The following SBF2 variants were observed in gnomAD, a reference collection of about 807,000 sequenced individuals.
The protein encoded by SBF2 is SET binding factor 2.
Under a neutral mutation model 225.2 loss-of-function variants are expected in SBF2, and 112 were observed. The observed-to-expected ratio is 0.50, with a 90% confidence interval of 0.43 to 0.58. The LOEUF (loss-of-function observed/expected upper bound fraction) is 0.58. Among genes scored for constraint, SBF2 ranks in the 20% least tolerant of loss-of-function variants. The probability of loss-of-function intolerance (pLI) is 0.00; values close to 1 mark genes in which losing one functional copy is unlikely to be tolerated. For missense variants in SBF2, 1,996 were observed against 2,206.2 expected, an observed-to-expected ratio of 0.90 and a Z score of 1.91; for synonymous variants, 763 against 773.3, an observed-to-expected ratio of 0.99 and a Z score of 0.22.
chr11:10,085,729 G>A (rs983929996), intron 2 of SBF2, among the ~76,000 whole-genome samples: 3 of 152,060 alleles, frequency 2.0e-5, no homozygotes, highest in Non-Finnish European at 4.4e-5. Context: ...TTTGAATACT[G>A]TTTTAATGGC....
intron 26 of SBF2, among the ~76,000 whole-genome samples, chr11:9,834,660 ACTGATG>A (rs1855624883): frequency 6.6e-6 from 1 of 152,180 alleles, no homozygotes; most frequent in South Asian, 2.1e-4. Flanking sequence ...AATACCACAA[ACTGATG>A]AAAAGACCAA....
chr11:9,945,381 A>G (rs1487995196), intron 16 of SBF2, among the ~76,000 whole-genome samples: 1 of 152,238 alleles, frequency 6.6e-6, no homozygotes, highest in Non-Finnish European at 1.5e-5. Flanking sequence ...TGCTAGGATA[A>G]CTGGCTAGCC....
intron 2 of SBF2, among the ~76,000 whole-genome samples, chr11:10,159,960 T>C (rs1186580525): frequency 6.6e-6 from 1 of 152,108 alleles, no homozygotes; most frequent in Non-Finnish European, 1.5e-5. Context: ...TCTGGTCTCC[T>C]GCACACCTGG....
At chr11:10,050,723 T>C (rs1950029510) in intron 2 of SBF2, among the ~76,000 whole-genome samples, 1 of 152,118 alleles carries the variant, frequency 6.6e-6, no homozygotes, top group East Asian at 1.9e-4. Flanking sequence ...GTAAATCAGA[T>C]AAGATGGCTA....
At chr11:9,930,190 G>A (rs1405325452) in intron 16 of SBF2, among the ~76,000 whole-genome samples, 1 of 152,086 alleles carries the variant, frequency 6.6e-6, no homozygotes, top group Non-Finnish European at 1.5e-5. Context: ...AAAAAAATGT[G>A]TTTGAGCCTA....
chr11:10,060,551 T>C (rs1950401903), intron 2 of SBF2, among the ~76,000 whole-genome samples: 1 of 152,122 alleles, frequency 6.6e-6, no homozygotes, highest in Admixed American at 6.5e-5. Context: ...ATCATCCTGA[T>C]ACCTAAACTT....
At chr11:10,208,253 TG>T (rs1565355867) in intron 1 of SBF2, among the ~76,000 whole-genome samples, 1 of 152,080 alleles carries the variant, frequency 6.6e-6, no homozygotes, top group Non-Finnish European at 1.5e-5. Context: ...TACCACTAGA[TG>T]GCATAACACT....
intron 1 of SBF2, among the ~76,000 whole-genome samples, chr11:10,263,642 A>C (rs1961659910): frequency 6.6e-6 from 1 of 152,156 alleles, no homozygotes; most frequent in South Asian, 2.1e-4. Context: ...GGTTTGTATA[A>C]AATCTCTGCT....
intron 2 of SBF2, among the ~76,000 whole-genome samples, chr11:10,104,440 A>AT (rs546789705): frequency 6.6e-6 from 1 of 152,240 alleles, no homozygotes; most frequent in Admixed American, 6.5e-5. Flanking sequence ...CAGAAGCAGC[A>AT]ATCGGCAATC....
At chr11:10,230,678 C>G (rs1958803299) in intron 1 of SBF2, among the ~76,000 whole-genome samples, 1 of 152,184 alleles carries the variant, frequency 6.6e-6, no homozygotes, top group South Asian at 2.1e-4. Context: ...GCTGAGAGAT[C>G]CGCTGTTAGT....
intron 8 of SBF2, among the ~76,000 whole-genome samples, chr11:9,999,140 A>G (rs1947834157): frequency 6.6e-6 from 1 of 152,204 alleles, no homozygotes; most frequent in Non-Finnish European, 1.5e-5. Context: ...TGAAGTTGTT[A>G]TATTGACAAT....
intron 2 of SBF2, among the ~76,000 whole-genome samples, chr11:10,120,665 G>A (rs1591001647): frequency 6.6e-6 from 1 of 152,068 alleles, no homozygotes; most frequent in Non-Finnish European, 1.5e-5. Context: ...CTGTCACCCA[G>A]GCTGGAGTGC....
At chr11:9,872,732 T>G (rs1590284975) in intron 17 of SBF2, among the ~76,000 whole-genome samples, 1 of 152,088 alleles carries the variant, frequency 6.6e-6, no homozygotes, top group East Asian at 1.9e-4. Flanking sequence ...AAATGTATTT[T>G]TGGCTGGGTG....
intron 1 of SBF2, among the ~76,000 whole-genome samples, chr11:10,270,890 G>A (rs1324426569): frequency 6.6e-6 from 1 of 151,356 alleles, no homozygotes; most frequent in East Asian, 1.9e-4. Context: ...AGCTACTGGG[G>A]AGGCTGAGGC....
intron 1 of SBF2, among the ~76,000 whole-genome samples, chr11:10,195,896 T>C (rs550927033): frequency 6.6e-6 from 1 of 152,310 alleles, no homozygotes; most frequent in East Asian, 1.9e-4. Flanking sequence ...TAGGCACTCA[T>C]TCTTCAAAAT....
chr11:10,090,763 T>TGAAAAAAAAA (rs1951748846), intron 2 of SBF2, among the ~76,000 whole-genome samples: 1 of 24,044 alleles, frequency 4.2e-5, no homozygotes, highest in Non-Finnish European at 9.1e-5. Flanking sequence ...AGATTCCATC[T>TGAAAAAAAAA]CAAAAAAAAA....
intron 1 of SBF2, among the ~76,000 whole-genome samples, chr11:10,302,058 G>A (rs1346627362): frequency 6.6e-6 from 1 of 151,366 alleles, no homozygotes; most frequent in African/African-American, 2.4e-5. Context: ...TTCCTTCCTT[G>A]TACTGTCCTT....
chr11:10,151,301 G>A (rs374671005), intron 2 of SBF2, among the ~76,000 whole-genome samples: 4 of 152,016 alleles, frequency 2.6e-5, no homozygotes, highest in Admixed American at 6.6e-5. Flanking sequence ...ATCTTTTTTC[G>A]CTGATTAGGG....
chr11:10,129,100 CT>C (rs757476668), intron 2 of SBF2, among the ~76,000 whole-genome samples: 3,105 of 90,086 alleles, frequency 0.034, 21 homozygotes, highest in Middle Eastern at 0.055. Flanking sequence ...AATTTTCTCT[CT>C]TTTTTTTTTT....
Sources: allele counts gnomAD v4.1 joint callset (sites outside exome capture counted in the v4.1 genomes callset), GRCh38; gene constraint gnomAD v4.1.1; transcripts MANE v1.5; gene names NCBI Gene and HGNC (gene_info 2026-07-23, HGNC 2026-07-21).